Variants in KANSL1 observed in about 807,000 individuals in gnomAD.
KANSL1 encodes MLL1/MLL complex subunit KANSL1.
KANSL1 carries 22 observed loss-of-function variants against 103.6 expected under a neutral mutation model. The ratio of observed to expected loss-of-function variants is 0.21; its 90% CI spans 0.15 to 0.30. KANSL1 has a LOEUF of 0.30. KANSL1 is among the 10% of genes least tolerant of loss of function. The pLI is 1.00. For synonymous variants in KANSL1, 600 were observed against 527.6 expected (o/e 1.14, Z -1.88); for missense variants, 1,337 against 1,399.8 (o/e 0.96, Z 0.72).
chr17:46,193,738 G>A (rs981866326), upstream of KANSL1: 16 of 243,612 alleles, frequency 6.6e-5, no homozygotes, highest in African/African-American at 3.1e-4. Flanking sequence ...CTGCGGCCGA[G>A]GTGAGTCTAA....
chr17:46,101,473 T>C (rs62061809), intron 2 of KANSL1, among the ~76,000 whole-genome samples: 21,711 of 152,042 alleles, frequency 0.14, 2,126 homozygotes, highest in Non-Finnish European at 0.22. Context: ...TTTAGTCAGC[T>C]GGGCACGGTG....
chr17:46,123,669 A>C (rs1193031385), intron 2 of KANSL1, among the ~76,000 whole-genome samples: 2 of 152,238 alleles, frequency 1.3e-5, no homozygotes, highest in Non-Finnish European at 1.5e-5. Flanking sequence ...CAAGACCCTA[A>C]TCCTCTTCAA....
chr17:46,224,026 G>C (rs574606301), upstream of KANSL1, among the ~76,000 whole-genome samples: 1 of 151,778 alleles, frequency 6.6e-6, no homozygotes, highest in South Asian at 2.1e-4. Context: ...ACGTATTTTA[G>C]ATAATGTAAA....
chr17:46,161,269 A>T (rs887309646), intron 2 of KANSL1, among the ~76,000 whole-genome samples: 3 of 150,434 alleles, frequency 2.0e-5, no homozygotes, highest in South Asian at 2.1e-4. Context: ...AAAAAAAAAA[A>T]AAAAAAAATA....
intron 1 of KANSL1, among the ~76,000 whole-genome samples, chr17:46,180,454 C>T (rs1238826530): frequency 1.3e-5 from 2 of 152,062 alleles, no homozygotes; most frequent in Non-Finnish European, 2.9e-5. Flanking sequence ...GCCGAGATCG[C>T]ACCATTGCAC....
chr17:46,050,633 G>C lies in KANSL1; in HGVS notation c.1920C>G (p.Ser640Arg). Residue 640 changes from serine to arginine, a missense_variant, in exon 7 of 15, where the codon AGC (serine) becomes AGG (arginine). Around this residue, in one of 2 missense-constraint regions of KANSL1, gnomAD observed 780 missense variants for 923.4 expected, o/e 0.84. Transcript: ENST00000432791. Reference sequence around the variant, plus strand: ...GAATTTCGGGAGGCATGGTGTTGATGCTGCCTGAACCACACAGTGCGCAGG... The same window carrying C: ...GAATTTCGGGAGGCATGGTGTTGATCCTGCCTGAACCACACAGTGCGCAGG... ...NPSCALCGSG[S>R]INTMPPEIHY... 1 of 1,614,208 alleles carries C rather than the reference G, an allele frequency of 6.2e-7. No homozygotes were observed. The highest frequency in any genetic ancestry group is 8.5e-7 in the Non-Finnish European group (1 of 1,180,016).
chr17:46,166,037 C>A (rs1231098352), intron 2 of KANSL1, among the ~76,000 whole-genome samples: 1 of 150,366 alleles, frequency 6.7e-6, no homozygotes, highest in Non-Finnish European at 1.5e-5. Context: ...CATGGTGAAA[C>A]CCCGTCTCTA....
At chr17:46,164,804 T>C (rs1406044536) in intron 2 of KANSL1, among the ~76,000 whole-genome samples, 1 of 152,252 alleles carries the variant, frequency 6.6e-6, no homozygotes, top group Non-Finnish European at 1.5e-5. Context: ...AAAGGTCACG[T>C]AGGGTCAGCT....
At chr17:46,224,238 T>C (rs1476179412), upstream of KANSL1, among the ~76,000 whole-genome samples, 5 of 152,346 alleles carry the variant, frequency 3.3e-5, no homozygotes, top group South Asian at 2.1e-4. Context: ...CAATTCCACA[T>C]GAAAAGTAAA....
intron 6 of KANSL1, among the ~76,000 whole-genome samples, chr17:46,062,965 G>A (rs570362537): frequency 3.0e-4 from 46 of 152,212 alleles, no homozygotes; most frequent in Non-Finnish European, 5.4e-4. Context: ...CAGGAGAATC[G>A]CTTGAACCCG....
chr17:46,116,593 C>T (rs2043059300), intron 2 of KANSL1, among the ~76,000 whole-genome samples: 1 of 152,212 alleles, frequency 6.6e-6, no homozygotes, highest in Admixed American at 6.5e-5. Flanking sequence ...TATCAAGACA[C>T]AAAATATTAA....
At chr17:46,115,202 C>G (rs4630591) in intron 2 of KANSL1, among the ~76,000 whole-genome samples, 1 of 151,914 alleles carries the variant, frequency 6.6e-6, no homozygotes, top group Non-Finnish European at 1.5e-5. Context: ...TGGGATTACA[C>G]GCGCCTGCCA....
At chr17:46,033,568 G>C in intron 11 of KANSL1, 108 bp from the exon 12 acceptor site, 2 of 878,840 alleles carry the variant, frequency 2.3e-6, no homozygotes, top group Non-Finnish European at 3.8e-6. Context: ...GGGTGACACT[G>C]CTCTCTGCCG....
intron 4 of KANSL1, among the ~76,000 whole-genome samples, chr17:46,071,644 A>G (rs1456904024): frequency 6.6e-6 from 1 of 152,254 alleles, no homozygotes; most frequent in Admixed American, 6.5e-5. Context: ...GCTTATTACT[A>G]CTGCAGTGGT....
intron 2 of KANSL1, chr17:46,120,189 T>TCTTTTTTAACTTA (rs2043217964): frequency 1.3e-5 from 2 of 152,236 alleles, no homozygotes; most frequent in Non-Finnish European, 2.9e-5. Context: ...CATCCCTCTT[T>TCTTTTTTAACTTA]CATGGAGCCA....
chr17:46,088,619 G>A (rs528883791), intron 3 of KANSL1: 1 of 152,484 alleles, frequency 6.6e-6, no homozygotes, highest in Non-Finnish European at 1.5e-5. Flanking sequence ...TAAGAGTCAA[G>A]CCAGTGCTTC....
intron 2 of KANSL1, among the ~76,000 whole-genome samples, chr17:46,141,889 CTTTA>C (rs2044440371): frequency 1.3e-5 from 2 of 152,118 alleles, no homozygotes; most frequent in Non-Finnish European, 2.9e-5. Flanking sequence ...TAGTTTCTTT[CTTTA>C]TTTCTCTTTT....
chr17:46,115,709 C>T (rs1465601274), intron 2 of KANSL1, among the ~76,000 whole-genome samples: 1 of 152,098 alleles, frequency 6.6e-6, no homozygotes, highest in Non-Finnish European at 1.5e-5. Flanking sequence ...TTAAACAATC[C>T]AACAACTTTA....
chr17:46,112,724 A>ATTTTTATTTATTTTAT lies in KANSL1; in HGVS notation c.1290-18024_1290-18023insATAAAATAAATAAAAA, dbSNP rs751551949. 2.8e-4 allele frequency among the ~76,000 whole-genome samples: 41 copies of ATTTTTATTTATTTTAT among 145,860 alleles called. 1 individual carries two copies. The highest frequency in any genetic ancestry group is 5.0e-4 in the Non-Finnish European group (33 of 66,000). ...ACAAAACAAAAAACTGGGCAGATAA[A>ATTTTTATTTATTTTAT]TTTTTTTTTTTTTTGAGATGGAGTG... On this transcript the variant is annotated intron_variant, in intron 2 of 14. Transcript: ENST00000432791.
Sources: allele counts gnomAD v4.1 joint callset (sites outside exome capture counted in the v4.1 genomes callset), GRCh38; gene constraint gnomAD v4.1.1; regional missense constraint gnomAD v4.1.1; transcripts MANE v1.5; gene names NCBI Gene and HGNC (gene_info 2026-07-23, HGNC 2026-07-21).